The following FMN2 variants were observed in gnomAD, a reference collection of about 807,000 sequenced individuals.
The protein encoded by FMN2 is formin-2.
In FMN2, 51 loss-of-function variants were observed where a neutral mutation model predicts 142.3. The observed-to-expected ratio is 0.36, with a 90% CI of 0.29 to 0.45. The LOEUF is 0.45. Ranked by LOEUF, FMN2 falls within the 20% of genes least tolerant of loss-of-function variation. FMN2 has a pLI of 1.00. For missense variants in FMN2, 1,936 were observed against 2,122.8 expected, an observed-to-expected ratio of 0.91 and a Z score of 1.73; for synonymous variants, 882 against 869.8, an observed-to-expected ratio of 1.01 and a Z score of -0.25.
At chr1:240,339,391 G>A (rs1192037783) in intron 13 of FMN2, among the ~76,000 whole-genome samples, 1 of 151,742 alleles carries the variant, frequency 6.6e-6, no homozygotes, top group East Asian at 1.9e-4. Flanking sequence ...CTATAGCATA[G>A]GTATGTGTAT....
At chr1:240,242,543 C>T (rs181679627) in intron 6 of FMN2, among the ~76,000 whole-genome samples, 1 of 152,140 alleles carries the variant, frequency 6.6e-6, no homozygotes, top group Non-Finnish European at 1.5e-5. Flanking sequence ...ACAACCTACT[C>T]AGTTGAGGAA....
intron 3 of FMN2, among the ~76,000 whole-genome samples, chr1:240,183,961 C>A (rs1313771327): frequency 1.3e-5 from 2 of 152,056 alleles, no homozygotes; most frequent in African/African-American, 2.4e-5. Context: ...TGTTTAGAGA[C>A]TACTTCATTC....
At chr1:240,414,542 T>C (rs1334263494) in intron 15 of FMN2, among the ~76,000 whole-genome samples, 3 of 152,248 alleles carry the variant, frequency 2.0e-5, no homozygotes. Flanking sequence ...AGGGATGTTT[T>C]GCTGCTATTC....
intron 5 of FMN2, among the ~76,000 whole-genome samples, chr1:240,209,101 A>G (rs1480628511): frequency 6.6e-6 from 1 of 152,122 alleles, no homozygotes; most frequent in Non-Finnish European, 1.5e-5. Context: ...GTATGCTTAT[A>G]TGCCCTTTGG....
intron 15 of FMN2, among the ~76,000 whole-genome samples, chr1:240,397,785 CAAAAAAAAAA>C (rs35826717): frequency 3.4e-4 from 16 of 46,808 alleles, no homozygotes; most frequent in East Asian, 1.6e-3. Flanking sequence ...GACTCCTTCT[CAAAAAAAAAA>C]AAAAAAAAAA....
intron 1 of FMN2, among the ~76,000 whole-genome samples, chr1:240,116,570 T>C (rs1041253582): frequency 2.0e-5 from 3 of 152,024 alleles, no homozygotes; most frequent in African/African-American, 7.2e-5. Context: ...GTGAAATTTT[T>C]CTGAAAGATA....
intron 3 of FMN2, among the ~76,000 whole-genome samples, chr1:240,178,577 G>A (rs1665024722): frequency 6.6e-6 from 1 of 151,758 alleles, no homozygotes; most frequent in Non-Finnish European, 1.5e-5. Flanking sequence ...AAGTAGCTGG[G>A]ACTCCAGCCA....
intron 14 of FMN2, among the ~76,000 whole-genome samples, chr1:240,389,508 A>G (rs958293422): frequency 5.9e-5 from 9 of 152,324 alleles, no homozygotes; most frequent in African/African-American, 1.9e-4. Flanking sequence ...TGCTTGCTCC[A>G]TAAATGAATG....
rs959591915 is a variant in FMN2, at chr1:240,376,043, T to C, written c.4859-16468T>C. 2.0e-5 allele frequency among the ~76,000 whole-genome samples: 3 copies of C among 152,296 alleles called. No homozygotes were observed. The South Asian group carries it at 6.2e-4, about 32-fold the overall frequency. ...AGGTAGAATTGTTATATCTTCTTTTTGAATTGATCCCTTTATCATTATGTA... is the reference window on the plus strand; with the variant it reads ...AGGTAGAATTGTTATATCTTCTTTTCGAATTGATCCCTTTATCATTATGTA... On this transcript the variant is annotated intron_variant, in intron 14 of 17. Coordinates refer to ENST00000319653, the MANE Select transcript of FMN2 (RefSeq NM_020066.5).
intron 13 of FMN2, among the ~76,000 whole-genome samples, chr1:240,345,397 G>A (rs1023342379): frequency 1.3e-5 from 2 of 152,190 alleles, no homozygotes; most frequent in South Asian, 4.1e-4. Flanking sequence ...GTAGATTGGT[G>A]AGAACGCTTT....
intron 16 of FMN2, chr1:240,459,220 G>A (rs1322103617): frequency 6.6e-6 from 1 of 152,148 alleles, no homozygotes; most frequent in Non-Finnish European, 1.5e-5. Context: ...GTGGAAGAAT[G>A]AGAAAGAAAG....
intron 16 of FMN2, among the ~76,000 whole-genome samples, chr1:240,447,584 G>C (rs1291500593): frequency 2.6e-5 from 4 of 152,210 alleles, no homozygotes; most frequent in Non-Finnish European, 5.9e-5. Flanking sequence ...CTCATACTTT[G>C]CTGGTGGAAA....
At chr1:240,124,829 G>C (rs1323469476) in intron 2 of FMN2, among the ~76,000 whole-genome samples, 1 of 152,086 alleles carries the variant, frequency 6.6e-6, no homozygotes, top group Non-Finnish European at 1.5e-5. Context: ...CACTATGCCT[G>C]GCTAATTTTT....
rs9728459 is a variant in FMN2 at position 240,473,568 on chromosome 1, T to A, written c.5143-560T>A. ...ATGATTAAATAGCCCTGTTTTTTTT[T>A]AAAAAGTTAGGAATTATATCTTCAT... On this transcript the variant is annotated intron_variant, in intron 17 of 17. Coordinates refer to ENST00000319653, the MANE Select transcript of FMN2 (RefSeq NM_020066.5). The surrounding 1 kb of genome is among the most constrained non-coding windows in gnomAD (Gnocchi z 4.3). Among the ~76,000 whole-genome samples, 4,496 of 152,196 alleles carry A rather than the reference T, an allele frequency of 0.03. 188 individuals are homozygous for A. The highest frequency in any genetic ancestry group is 0.091 in the African/African-American group (3,763 of 41,504).
chr1:240,307,348 G>A (rs1670445187), intron 8 of FMN2, among the ~76,000 whole-genome samples: 1 of 152,050 alleles, frequency 6.6e-6, no homozygotes, highest in South Asian at 2.1e-4. Context: ...GTATTTCCTA[G>A]CTTTTCTCCC....
intron 2 of FMN2, among the ~76,000 whole-genome samples, chr1:240,141,032 A>T (rs1003677526): frequency 1.3e-5 from 2 of 152,190 alleles, no homozygotes; most frequent in African/African-American, 2.4e-5. Context: ...CTTCTATTAG[A>T]AAAGGAAAAT....
At chr1:240,178,456 T>A (rs1175504540) in intron 3 of FMN2, among the ~76,000 whole-genome samples, 1 of 151,426 alleles carries the variant, frequency 6.6e-6, no homozygotes, top group African/African-American at 2.4e-5. Flanking sequence ...TCTTTTTTTT[T>A]TTTTTTCTGG....
intron 14 of FMN2, among the ~76,000 whole-genome samples, chr1:240,387,462 A>G (rs1237659572): frequency 6.6e-6 from 1 of 152,214 alleles, no homozygotes; most frequent in East Asian, 1.9e-4. Context: ...ATTTACTGCT[A>G]TGTCTTTAAA....
intron 7 of FMN2, among the ~76,000 whole-genome samples, chr1:240,291,023 A>G (rs1669767252): frequency 6.6e-6 from 1 of 152,044 alleles, no homozygotes; most frequent in African/African-American, 2.4e-5. Context: ...CATGTTGTCC[A>G]GGCTGGTCTC....
Sources: gnomAD v4.1 joint callset for allele counts (sites outside exome capture counted in the v4.1 genomes callset) on GRCh38, gnomAD v4.1.1 for gene constraint, Gnocchi (gnomAD v3.1) non-coding constraint, MANE v1.5 for transcripts, NCBI Gene and HGNC (gene_info 2026-07-23, HGNC 2026-07-21) for gene names.